ALPK2: variants seen among roughly 807,000 people sequenced by gnomAD.
ALPK2 encodes the protein alpha-protein kinase 2.
In ALPK2, 127 loss-of-function variants were observed where a neutral mutation model predicts 163.1. The ratio of observed to expected loss-of-function variants is 0.78; its 90% CI spans 0.67 to 0.90. The LOEUF (loss-of-function observed/expected upper bound fraction) is 0.90, where lower values mean the gene tolerates loss of function less well. Ranked by LOEUF, ALPK2 falls within the 40% of genes least tolerant of loss-of-function variation. The pLI is 0.00. For missense variants in ALPK2, 2,360 were observed against 2,589.6 expected (o/e 0.91, Z 1.92); for synonymous variants, 953 against 959.1 (o/e 0.99, Z 0.12).
At chr18:58,615,759 G>A (rs1181354167) in intron 1 of ALPK2, among the ~76,000 whole-genome samples, 2 of 152,222 alleles carry the variant, frequency 1.3e-5, no homozygotes, top group Non-Finnish European at 2.9e-5. Flanking sequence ...GCTATGGATG[G>A]AGAAGGAGGA....
At chr18:58,619,839 C>T (rs762296502) in intron 1 of ALPK2, among the ~76,000 whole-genome samples, 56 of 152,192 alleles carry the variant, frequency 3.7e-4, no homozygotes, top group Admixed American at 2.6e-3. Flanking sequence ...CACAAAGACT[C>T]GCACACAACT....
At chr18:58,613,286 G>A (rs1431362847) in intron 1 of ALPK2, among the ~76,000 whole-genome samples, 1 of 152,190 alleles carries the variant, frequency 6.6e-6, no homozygotes, top group Non-Finnish European at 1.5e-5. Flanking sequence ...GAGCCTTGCT[G>A]TAGTAGCAGG....
intron 4 of ALPK2, among the ~76,000 whole-genome samples, chr18:58,575,539 G>A (rs549453775): frequency 1.3e-5 from 2 of 152,336 alleles, no homozygotes; most frequent in South Asian, 4.1e-4. Flanking sequence ...AGCTGTGCAG[G>A]AGCACAGACG....
intron 4 of ALPK2, among the ~76,000 whole-genome samples, chr18:58,553,846 T>TA (rs1409616902): frequency 4.4e-5 from 6 of 136,960 alleles, no homozygotes; most frequent in East Asian, 2.2e-4. Flanking sequence ...GGGTTTTTTT[T>TA]TTGGTTTTTT....
chr18:58,574,940 A>G (rs978463695), intron 4 of ALPK2, among the ~76,000 whole-genome samples: 3 of 152,186 alleles, frequency 2.0e-5, no homozygotes, highest in Non-Finnish European at 4.4e-5. Flanking sequence ...CTGGCTGGGC[A>G]TGGTGGCTCA....
chr18:58,547,991 A>C (rs2051727622), intron 4 of ALPK2, among the ~76,000 whole-genome samples: 1 of 152,252 alleles, frequency 6.6e-6, no homozygotes, highest in African/African-American at 2.4e-5. Flanking sequence ...AAGCAAAACC[A>C]AGGTAGTAGC....
intron 3 of ALPK2, among the ~76,000 whole-genome samples, chr18:58,600,027 C>CTTT (rs1166291584): frequency 0.016 from 1,059 of 66,858 alleles, 223 homozygotes; most frequent in African/African-American, 0.056. Context: ...ATGGGGATAT[C>CTTT]TTTTTTTTTT....
intron 8 of ALPK2, among the ~76,000 whole-genome samples, chr18:58,520,943 G>A (rs2051547327): frequency 6.6e-6 from 1 of 152,222 alleles, no homozygotes; most frequent in South Asian, 2.1e-4. Flanking sequence ...TAGAGTCCAG[G>A]AGGCCGAGGC....
At position 58,587,677 on chromosome 18, in the gene ALPK2, A is replaced by G. The variant is rs368740929; in HGVS notation, c.228-7129T>C. 1.6e-4 allele frequency among the ~76,000 whole-genome samples: 25 copies of G among 152,348 alleles called. No individual in the cohort carries two copies. The East Asian group carries it at 3.1e-3, about 19-fold the overall frequency. ...GAATCAGTGAACTTGAAGTTGGTCA[A>G]TTGAGATTATCCAATTTTAGGAACA... On this transcript the variant is annotated intron_variant, in intron 3 of 12. Transcript: ENST00000361673.
chr18:58,510,874 TA>T (rs1223810949), intron 10 of ALPK2, among the ~76,000 whole-genome samples: 2 of 152,236 alleles, frequency 1.3e-5, no homozygotes, highest in African/African-American at 2.4e-5. Flanking sequence ...GAATACCTTT[TA>T]TTTCCTTCTC....
intron 3 of ALPK2, among the ~76,000 whole-genome samples, chr18:58,594,900 A>T (rs2052033540): frequency 6.6e-6 from 1 of 152,160 alleles, no homozygotes; most frequent in South Asian, 2.1e-4. Context: ...TGCAGTCCCC[A>T]TCTGTGCCCT....
intron 3 of ALPK2, among the ~76,000 whole-genome samples, chr18:58,586,118 C>T (rs745546270): frequency 1.4e-4 from 22 of 152,102 alleles, no homozygotes; most frequent in Admixed American, 3.9e-4. Flanking sequence ...TTTAAAACCA[C>T]GTTGTTTAAT....
At chr18:58,607,510 G>T (rs2052104683) in intron 2 of ALPK2, 71 bp from the exon 3 acceptor site, 7 of 1,006,976 alleles carry the variant, frequency 7.0e-6, no homozygotes, top group Non-Finnish European at 8.6e-6. Context: ...AACCCATAAA[G>T]CTATGAACAA....
chr18:58,609,743 T>C (rs2052117888), intron 2 of ALPK2, among the ~76,000 whole-genome samples: 1 of 152,200 alleles, frequency 6.6e-6, no homozygotes, highest in Non-Finnish European at 1.5e-5. Context: ...CCTCCCCTTG[T>C]TTTTGGAACC....
At chr18:58,591,334 A>C (rs535339575) in intron 3 of ALPK2, among the ~76,000 whole-genome samples, 2 of 152,236 alleles carry the variant, frequency 1.3e-5, no homozygotes, top group Admixed American at 6.5e-5. Flanking sequence ...GGCCAAAAAA[A>C]TGGTAGGAAA....
At chr18:58,628,276 A>C (rs1204419490) in intron 1 of ALPK2, among the ~76,000 whole-genome samples, 1 of 152,182 alleles carries the variant, frequency 6.6e-6, no homozygotes, top group East Asian at 1.9e-4. Flanking sequence ...GTGTCTACCC[A>C]GATAGGAGAG....
chr18:58,536,351 A>G lies in ALPK2; in HGVS notation c.3836T>C (p.Leu1279Pro), dbSNP rs55913024. The stretch of plus-strand genomic sequence containing the variant: ...TTCAGGCACAACAGCATCTGCCTTT[A>G]GACTATCAGGTACAGCCCAGACCTT... ...PDKVWAVPDS[L>P]KADAVVPELA... is the part of the protein sequence containing the mutation. Residue 1279 changes from leucine to proline, a missense_variant, in exon 5 of 13, where the codon CTA becomes CCA. Leu to Pro is a moderately conservative substitution (Grantham distance 98). Coordinates refer to ENST00000361673, the MANE Select transcript of ALPK2 (RefSeq NM_052947.4). The G allele has an allele frequency of 7.4e-6, 12 of 1,614,198 alleles. No homozygotes were observed. The East Asian group carries it at 2.2e-4, about 30-fold the overall frequency.
chr18:58,537,090 C>T lies in ALPK2; in HGVS notation c.3097G>A (p.Ala1033Thr), dbSNP rs2051654213. The T allele has an allele frequency of 6.2e-7, 1 of 1,614,092 alleles. No individual in the cohort carries two copies. The highest frequency in any genetic ancestry group is 8.5e-7 in the Non-Finnish European group (1 of 1,180,022). Residue 1033 changes from alanine (A) to threonine (T), a missense_variant, in exon 5 of 13, where the codon GCA becomes ACA. Physicochemically the swap from Ala to Thr is moderately conservative, Grantham distance 58. Coordinates refer to ENST00000361673, the MANE Select transcript of ALPK2 (RefSeq NM_052947.4). ...GGGAACCTCTCCTCAGTGCCACCTG[C>T]ATGCTTGTCCTCAGGAATTGACACA... Reference protein sequence around the residue: ...LAVSIPEDKHAGGTEERFPRA... With the variant: ...LAVSIPEDKHTGGTEERFPRA...
At chr18:58,568,804 T>C (rs74368554) in intron 4 of ALPK2, among the ~76,000 whole-genome samples, 68 of 152,316 alleles carry the variant, frequency 4.5e-4, no homozygotes, top group African/African-American at 1.5e-3. Context: ...AGGATGTATA[T>C]AAGTTATTTG....
Sources: gnomAD v4.1 joint callset for allele counts (sites outside exome capture counted in the v4.1 genomes callset) on GRCh38, gnomAD v4.1.1 for gene constraint, MANE v1.5 for transcripts, NCBI Gene and HGNC (gene_info 2026-07-23, HGNC 2026-07-21) for gene names.